The following PDE10A variants were observed in gnomAD, a reference collection of about 807,000 sequenced individuals.
The protein encoded by PDE10A is phosphodiesterase 10A.
In PDE10A, 39 loss-of-function variants were observed where a neutral mutation model predicts 97.7. That is an observed-to-expected ratio of 0.40 (90% CI 0.31 to 0.52). The LOEUF (loss-of-function observed/expected upper bound fraction) is 0.52, where lower values mean the gene tolerates loss of function less well. Ranked by LOEUF, PDE10A falls within the 20% of genes least tolerant of loss-of-function variation. The pLI is 0.56. For missense variants in PDE10A, 731 were observed against 1,047.8 expected (o/e 0.70, Z 4.17); for synonymous variants, 371 against 376.8 (o/e 0.98, Z 0.18).
intron 1 of PDE10A, among the ~76,000 whole-genome samples, chr6:165,897,347 G>A (rs1039816490): frequency 6.6e-6 from 1 of 152,070 alleles, no homozygotes; most frequent in African/African-American, 2.4e-5. Context: ...GGGGAGGGAT[G>A]CCATACAGGG....
chr6:165,773,772 G>T (rs1457110857), intron 1 of PDE10A, among the ~76,000 whole-genome samples: 2 of 152,152 alleles, frequency 1.3e-5, no homozygotes, highest in Admixed American at 1.3e-4. Context: ...AAAAATGGCT[G>T]TCAGTGTGAT....
intron 2 of PDE10A, among the ~76,000 whole-genome samples, chr6:165,487,633 T>C (rs1779995710): frequency 6.6e-6 from 1 of 152,158 alleles, no homozygotes; most frequent in Admixed American, 6.5e-5. Flanking sequence ...CTGCAGTCAC[T>C]AGTGATATTA....
chr6:165,640,205 T>C (rs1257658532), intron 1 of PDE10A, among the ~76,000 whole-genome samples: 2 of 152,230 alleles, frequency 1.3e-5, no homozygotes, highest in Admixed American at 6.5e-5. Flanking sequence ...TGAAAGGCTT[T>C]CAAAACATAA....
chr6:165,415,069 G>T (rs144441203), intron 12 of PDE10A, among the ~76,000 whole-genome samples: 239 of 152,142 alleles, frequency 1.6e-3, no homozygotes, highest in African/African-American at 5.5e-3. Flanking sequence ...TAAGTATTTT[G>T]TCAGATACAT....
chr6:165,443,941 G>A (rs1317756441), intron 5 of PDE10A, among the ~76,000 whole-genome samples: 1 of 152,222 alleles, frequency 6.6e-6, no homozygotes, highest in South Asian at 2.1e-4. Flanking sequence ...ATTAATATTC[G>A]GCTCCTCGTA....
At chr6:165,976,309 G>A (rs1409468521) in intron 1 of PDE10A, among the ~76,000 whole-genome samples, 1 of 152,168 alleles carries the variant, frequency 6.6e-6, no homozygotes, top group East Asian at 1.9e-4. Context: ...GTTGGGCCCT[G>A]AGTAAAATCA....
chr6:165,871,995 G>A (rs1338040320), intron 1 of PDE10A, among the ~76,000 whole-genome samples: 2 of 152,230 alleles, frequency 1.3e-5, no homozygotes, highest in Non-Finnish European at 2.9e-5. Context: ...GCTGGGCCAA[G>A]ATTGTGGAGG....
chr6:165,982,134 G>A (rs1273147141), intron 1 of PDE10A, among the ~76,000 whole-genome samples: 2 of 152,186 alleles, frequency 1.3e-5, no homozygotes, highest in African/African-American at 2.4e-5. Context: ...AAAACCATAT[G>A]TTCACTCAGT....
At chr6:165,748,789 C>A (rs928020224) in intron 1 of PDE10A, among the ~76,000 whole-genome samples, 1 of 149,352 alleles carries the variant, frequency 6.7e-6, no homozygotes, top group Non-Finnish European at 1.5e-5. Context: ...CAAATCAGTG[C>A]CAAATTATAG....
intron 1 of PDE10A, among the ~76,000 whole-genome samples, chr6:165,581,655 T>C (rs1301018782): frequency 6.6e-6 from 1 of 152,250 alleles, no homozygotes; most frequent in African/African-American, 2.4e-5. Flanking sequence ...CTTAAAAGTA[T>C]GATAAACAGA....
chr6:165,808,450 A>G (rs1260259014), intron 1 of PDE10A, among the ~76,000 whole-genome samples: 2 of 152,158 alleles, frequency 1.3e-5, no homozygotes, highest in African/African-American at 4.8e-5. Flanking sequence ...ACCAGCCCTA[A>G]TTCTGCCCTA....
chr6:165,716,309 C>A (rs960874001), intron 1 of PDE10A, among the ~76,000 whole-genome samples: 1 of 152,200 alleles, frequency 6.6e-6, no homozygotes, highest in Admixed American at 6.5e-5. Flanking sequence ...CTCTAACTCG[C>A]CCATGCATAC....
At chr6:165,704,665 C>G (rs945366315) in intron 1 of PDE10A, among the ~76,000 whole-genome samples, 1 of 152,196 alleles carries the variant, frequency 6.6e-6, no homozygotes, top group Non-Finnish European at 1.5e-5. Context: ...AAAATAAAAT[C>G]TGTCAGTTAA....
rs553107183 is a variant in PDE10A, at chr6:165,854,778, C to T, written c.-615+132751G>A. Among the ~76,000 whole-genome samples, 43 of 152,280 alleles carry T rather than the reference C, an allele frequency of 2.8e-4. 1 individual carries two copies. The East Asian group carries it at 7.2e-3, about 25-fold the overall frequency. On this transcript the variant is annotated intron_variant, in intron 1 of 19. Transcript: ENST00000366882. ...AGGAGGGCAGCTGCCCCGGGCAGAG[C>T]GACTGGAGGAGCGCAGGGCGCGCCA...
intron 1 of PDE10A, among the ~76,000 whole-genome samples, chr6:165,599,767 G>A (rs1375478021): frequency 6.6e-6 from 1 of 152,192 alleles, no homozygotes; most frequent in Non-Finnish European, 1.5e-5. Context: ...GAGCAGGAGT[G>A]CGTCTCTGAC....
At chr6:165,590,342 C>T (rs1328380) in intron 1 of PDE10A, among the ~76,000 whole-genome samples, 1 of 152,180 alleles carries the variant, frequency 6.6e-6, no homozygotes, top group Non-Finnish European at 1.5e-5. Flanking sequence ...GGCCACACAG[C>T]TAGTCTGTGG....
intron 20 of PDE10A, among the ~76,000 whole-genome samples, chr6:165,338,920 C>A (rs916602641): frequency 6.6e-6 from 1 of 152,188 alleles, no homozygotes; most frequent in Admixed American, 6.5e-5. Flanking sequence ...ACAAGGCAGC[C>A]AGACCCTCAG....
At chr6:165,630,150 A>G (rs998934303) in intron 1 of PDE10A, among the ~76,000 whole-genome samples, 24 of 152,040 alleles carry the variant, frequency 1.6e-4, no homozygotes, top group African/African-American at 5.6e-4. Context: ...GGAGTTTAAG[A>G]CCAGCCTGCG....
intron 18 of PDE10A, among the ~76,000 whole-genome samples, chr6:165,372,911 C>A (rs1784362919): frequency 6.6e-6 from 1 of 151,836 alleles, no homozygotes; most frequent in African/African-American, 2.4e-5. Flanking sequence ...AGAGAGCCCT[C>A]AGAAATAACG....
Sources: allele counts gnomAD v4.1 joint callset (sites outside exome capture counted in the v4.1 genomes callset), GRCh38; gene constraint gnomAD v4.1.1; transcripts MANE v1.5; gene names NCBI Gene and HGNC (gene_info 2026-07-23, HGNC 2026-07-21).